Variants in ABCA4 observed in about 807,000 individuals in gnomAD.
The protein encoded by ABCA4 is ATP binding cassette subfamily A member 4.
In ABCA4, 196 loss-of-function variants were observed where a neutral mutation model predicts 263.7. That is an observed-to-expected ratio of 0.74 (90% CI 0.66 to 0.84). The LOEUF (loss-of-function observed/expected upper bound fraction) is 0.84, where lower values mean the gene tolerates loss of function less well. Ranked by LOEUF, ABCA4 falls within the 40% of genes least tolerant of loss-of-function variation. ABCA4 has a pLI of 0.00. For missense variants in ABCA4, 2,792 were observed against 2,855.1 expected, an observed-to-expected ratio of 0.98 and a Z score of 0.50; for synonymous variants, 1,133 against 1,094.2, an observed-to-expected ratio of 1.04 and a Z score of -0.70.
intron 16 of ABCA4, among the ~76,000 whole-genome samples, chr1:94,053,325 A>C (rs942680002): frequency 6.6e-6 from 1 of 152,340 alleles, no homozygotes; most frequent in South Asian, 2.1e-4. Context: ...TGAATTCTGG[A>C]TAGTGTCAGA....
chr1:94,014,067 C>G (rs1659649806), intron 38 of ABCA4, among the ~76,000 whole-genome samples: 1 of 152,106 alleles, frequency 6.6e-6, no homozygotes, highest in Non-Finnish European at 1.5e-5. Context: ...GAAAACCTTT[C>G]TGAAAGAGTA....
At chr1:94,007,557 G>A in intron 43 of ABCA4, 77 bp downstream of exon 43, 5 of 1,316,014 alleles carry the variant, frequency 3.8e-6, no homozygotes, top group South Asian at 3.5e-5. Context: ...CTACTATAGG[G>A]TCTGATGATC....
intron 36 of ABCA4, among the ~76,000 whole-genome samples, chr1:94,018,245 T>C (rs1394202181): frequency 6.6e-6 from 1 of 152,238 alleles, no homozygotes; most frequent in Non-Finnish European, 1.5e-5. Flanking sequence ...GCCCCAAGTG[T>C]GTAAATTCTA....
Position 94,019,263 on chromosome 1 carries a change from G to T in ABCA4, c.5196+319C>A, listed in dbSNP as rs72958454. ...ATTACCTTCTCAGCGCCAGACTGAT[G>T]CCAGGAAGGCCAGACTCATGCCTGC... On this transcript the variant is annotated intron_variant, in intron 36 of 49. Coordinates refer to ENST00000370225, the MANE Select transcript of ABCA4 (RefSeq NM_000350.3). 2.9e-3 allele frequency: 763 copies of T among 265,158 alleles called. 6 individuals carry two copies. The highest frequency in any genetic ancestry group is 0.015 in the African/African-American group (711 of 46,476). 16.4% of individuals were successfully genotyped at this position (265,158 alleles called of 1,614,324 possible).
At chr1:94,075,166 G>A (rs1661507066) in intron 11 of ABCA4, among the ~76,000 whole-genome samples, 1 of 152,056 alleles carries the variant, frequency 6.6e-6, no homozygotes, top group Non-Finnish European at 1.5e-5. Context: ...TGTTGGGGTG[G>A]GGTAGGGGCG....
At chr1:94,048,693 T>C (rs939687420) in intron 18 of ABCA4, among the ~76,000 whole-genome samples, 175 bp downstream of exon 18, 1 of 152,214 alleles carries the variant, frequency 6.6e-6, no homozygotes. Context: ...AACCATTCAT[T>C]CCACACACAT....
At chr1:93,995,609 A>C (rs1290787905) in intron 49 of ABCA4, among the ~76,000 whole-genome samples, 1 of 152,226 alleles carries the variant, frequency 6.6e-6, no homozygotes, top group African/African-American at 2.4e-5. Context: ...TAAAGAACAA[A>C]GAGCCCTCTT....
rs4147895 is a variant in ABCA4 at position 94,015,448 on chromosome 1, G to GA, written c.5312+290_5312+291insT. ...CTGGGTGAGGGGTTGGGGAATGGCT[G>GA]CCCCCAGGCTTTGGTCAAGGCCTCA... is the stretch of plus-strand genomic sequence containing the variant. On this transcript the variant is annotated intron_variant, in intron 37 of 49. Coordinates refer to ENST00000370225, the MANE Select transcript of ABCA4 (RefSeq NM_000350.3). Among the ~76,000 whole-genome samples, 35,969 of 152,028 alleles carry GA rather than the reference G, an allele frequency of 0.24. 4,654 individuals carry two copies. The highest frequency in any genetic ancestry group is 0.45 in the Middle Eastern group (131 of 294).
chr1:94,036,031 G>A (rs981533348), intron 26 of ABCA4, among the ~76,000 whole-genome samples: 1 of 152,262 alleles, frequency 6.6e-6, no homozygotes, highest in African/African-American at 2.4e-5. Flanking sequence ...AAGGGGCCAG[G>A]AGACTGACGT....
Position 94,080,547 on chromosome 1 carries a change from T to A in ABCA4, c.1030A>T (p.Asn344Tyr). ...TCAATCCCCAGAAAGGCCTTATAGT[T>A]ATTGTCTTCATACCAGTTGAAGGAG... The part of the protein sequence containing the change: ...VLSFNWYEDN[N>Y]YKAFLGIDST... The change falls in exon 8 of 50, where the codon AAC becomes TAC. Residue 344 changes from asparagine (N) to tyrosine (Y), a missense_variant. Asn to Tyr is a moderately radical substitution (Grantham distance 143, BLOSUM62 -2). Coordinates refer to ENST00000370225, the MANE Select transcript of ABCA4 (RefSeq NM_000350.3). 6.2e-7 allele frequency: 1 copy of A among 1,614,114 alleles called. No individual in the cohort carries two copies. Among genetic ancestry groups the A allele is most frequent in the South Asian group, 1.1e-5 (1 of 91,072 alleles).
chr1:94,110,878 C>A (rs1662582867), intron 3 of ABCA4, among the ~76,000 whole-genome samples: 1 of 151,956 alleles, frequency 6.6e-6, no homozygotes, highest in South Asian at 2.1e-4. Context: ...TGCACCCGAG[C>A]CATATTCCGA....
intron 10 of ABCA4, 72 bp from the exon 11 acceptor site, chr1:94,077,959 A>G (rs777783924): frequency 2.4e-5 from 36 of 1,480,098 alleles, no homozygotes; most frequent in Non-Finnish European, 3.3e-5. Context: ...TTCTTCAGCC[A>G]TTTCTAATTT....
chr1:94,031,080 A>G lies in ABCA4; in HGVS notation c.4169T>C (p.Leu1390Pro), dbSNP rs61752430. 5.0e-6 allele frequency: 8 copies of G among 1,614,150 alleles called. No individual in the cohort carries two copies. In the African/African-American group the frequency reaches 1.1e-4, roughly 22 times the overall value. ...PATFVFLALM[L>P]SIVIPPFGEY... Reference sequence around the variant, plus strand: ...GCCAAAAGGAGGGATAACAATAGAAAGCATCAGAGCCAAAAACACAAAGGT... The same window carrying G: ...GCCAAAAGGAGGGATAACAATAGAAGGCATCAGAGCCAAAAACACAAAGGT... Residue 1390 changes from leucine (L) to proline (P), a missense_variant, in exon 28 of 50, where the codon CTT (leucine) becomes CCT (proline). Coordinates refer to ENST00000370225, the MANE Select transcript of ABCA4 (RefSeq NM_000350.3).
intron 3 of ABCA4, among the ~76,000 whole-genome samples, chr1:94,109,874 A>T (rs1662555172): frequency 6.6e-6 from 1 of 152,222 alleles, no homozygotes; most frequent in African/African-American, 2.4e-5. Context: ...TTCACTCATA[A>T]TGTGAGTGCA....
In ABCA4 at chr1:94,062,602, G is replaced by C. The variant is rs754088610; in HGVS notation, c.1912C>G (p.Pro638Ala). Reference sequence around the variant, plus strand: ...GAATCGTCCACGAAGCAGGGGTAGGGCATCTGCTGGAGGTAGATTCCAACT... The same window carrying C: ...GAATCGTCCACGAAGCAGGGGTAGGCCATCTGCTGGAGGTAGATTCCAACT... ...APVGIYLQQMPYPCFVDDSFM... is the reference protein window; with the variant it reads ...APVGIYLQQMAYPCFVDDSFM... Residue 638 changes from proline to alanine, a missense_variant, in exon 13 of 50, where the codon CCC becomes GCC. Coordinates refer to ENST00000370225, the MANE Select transcript of ABCA4 (RefSeq NM_000350.3). The C allele has an allele frequency of 6.2e-7, 1 of 1,614,088 alleles. No homozygotes were observed. Among genetic ancestry groups the C allele is most frequent in the African/African-American group, 1.3e-5 (1 of 74,930 alleles).
intron 5 of ABCA4, among the ~76,000 whole-genome samples, chr1:94,101,896 C>A (rs2101141042): frequency 6.6e-6 from 1 of 152,294 alleles, no homozygotes; most frequent in South Asian, 2.1e-4. Flanking sequence ...GGCTTTGGAC[C>A]CAGTTCACCT....
Position 94,042,819 on chromosome 1 carries a change from A to C in ABCA4, c.3270T>G (p.Ser1090=). ...AKVVILDEPT[S]GVDPYSRRSI... Reference sequence around the variant, plus strand: ...AGCGTCTCGAGTAAGGGTCCACCCCAGAGGTGGGTTCGTCCAGAATCACCA... The same window carrying C: ...AGCGTCTCGAGTAAGGGTCCACCCCCGAGGTGGGTTCGTCCAGAATCACCA... The change falls in exon 22 of 50, where the codon TCT becomes TCG. Residue 1090 remains serine, a synonymous_variant. Transcript: ENST00000370225. 5.0e-6 allele frequency: 8 copies of C among 1,614,212 alleles called. No individual in the cohort carries two copies. The highest frequency in any genetic ancestry group is 6.8e-6 in the Non-Finnish European group (8 of 1,180,028).
At chr1:94,012,959 G>A (rs999523928) in intron 38 of ABCA4, among the ~76,000 whole-genome samples, 4 of 150,044 alleles carry the variant, frequency 2.7e-5, no homozygotes, top group African/African-American at 1.0e-4. Flanking sequence ...GGATACTGGG[G>A]GTTTCCATAG....
chr1:94,095,127 C>T (rs1173215086), intron 6 of ABCA4, among the ~76,000 whole-genome samples: 1 of 152,184 alleles, frequency 6.6e-6, no homozygotes, highest in Non-Finnish European at 1.5e-5. Flanking sequence ...TGCAAATGAG[C>T]GTGTGAGTGT....
Sources: allele counts gnomAD v4.1 joint callset (sites outside exome capture counted in the v4.1 genomes callset), GRCh38; gene constraint gnomAD v4.1.1; transcripts MANE v1.5; gene names NCBI Gene and HGNC (gene_info 2026-07-23, HGNC 2026-07-21).